The following MGMT variants were observed in gnomAD, a reference collection of about 807,000 sequenced individuals.
MGMT encodes the protein O-6-methylguanine-DNA methyltransferase.
MGMT carries 14 observed loss-of-function variants against 15.9 expected under a neutral mutation model. That is an observed-to-expected ratio of 0.88 (90% confidence interval 0.58 to 1.37). MGMT has a LOEUF of 1.37. Ranked by LOEUF, MGMT falls within the 40% of genes most tolerant of loss-of-function variation. MGMT has a pLI of 0.00. For synonymous variants in MGMT, 130 were observed against 118.2 expected (o/e 1.10, Z -0.65); for missense variants, 282 against 268.1 (o/e 1.05, Z -0.36).
At chr10:129,641,942 G>A (rs1172374028) in intron 2 of MGMT, among the ~76,000 whole-genome samples, 1 of 152,194 alleles carries the variant, frequency 6.6e-6, no homozygotes, top group Non-Finnish European at 1.5e-5. Context: ...TGTTCAAGGA[G>A]CAGCCTCTGG....
intron 1 of MGMT, among the ~76,000 whole-genome samples, chr10:129,505,888 T>A (rs766979654): frequency 3.9e-5 from 6 of 152,170 alleles, no homozygotes; most frequent in Non-Finnish European, 8.8e-5. Flanking sequence ...GGGGTTGTGC[T>A]TGTCCCTGGG....
intron 2 of MGMT, among the ~76,000 whole-genome samples, chr10:129,589,870 AC>A (rs1846661847): frequency 6.6e-6 from 1 of 152,240 alleles, no homozygotes; most frequent in African/African-American, 2.4e-5. Flanking sequence ...CAGCCCATCC[AC>A]CAGGAGGGTC....
chr10:129,574,172 T>C (rs917791267), intron 2 of MGMT, among the ~76,000 whole-genome samples: 31 of 152,238 alleles, frequency 2.0e-4, no homozygotes, highest in African/African-American at 3.1e-4. Flanking sequence ...TTTCAGCAAA[T>C]AGTTTGAGCC....
At chr10:129,600,522 G>A (rs187138653) in intron 2 of MGMT, among the ~76,000 whole-genome samples, 2 of 152,374 alleles carry the variant, frequency 1.3e-5, no homozygotes, top group African/African-American at 2.4e-5. Flanking sequence ...CATGCCGACT[G>A]TGGAGCCATT....
At chr10:129,730,304 CT>C (rs1356230458) in intron 3 of MGMT, among the ~76,000 whole-genome samples, 1 of 152,118 alleles carries the variant, frequency 6.6e-6, no homozygotes, top group Non-Finnish European at 1.5e-5. Flanking sequence ...GCCCTAATGA[CT>C]CTGGGCAAGA....
At chr10:129,683,063 G>A (rs902620691) in intron 2 of MGMT, among the ~76,000 whole-genome samples, 1 of 152,220 alleles carries the variant, frequency 6.6e-6, no homozygotes, top group African/African-American at 2.4e-5. Context: ...TGGCCAGGCT[G>A]GCCTCAAACT....
At chr10:129,736,816 A>T (rs1357415476) in intron 3 of MGMT, among the ~76,000 whole-genome samples, 5 of 149,756 alleles carry the variant, frequency 3.3e-5, no homozygotes, top group East Asian at 2.0e-4. Flanking sequence ...CCTTCACTTA[A>T]GAAGCTTAGT....
chr10:129,500,423 C>A (rs894221383), intron 1 of MGMT, among the ~76,000 whole-genome samples: 5 of 152,214 alleles, frequency 3.3e-5, no homozygotes, highest in Admixed American at 6.5e-5. Context: ...GCTTCTACTG[C>A]TCACTCGAAA....
intron 1 of MGMT, among the ~76,000 whole-genome samples, chr10:129,490,307 A>G (rs1385757820): frequency 6.6e-6 from 1 of 152,274 alleles, no homozygotes; most frequent in East Asian, 1.9e-4. Flanking sequence ...CCATCCCCAT[A>G]TCTGTTAGTG....
chr10:129,657,374 G>C (rs1847535850), intron 2 of MGMT, among the ~76,000 whole-genome samples: 1 of 139,868 alleles, frequency 7.1e-6, no homozygotes, highest in African/African-American at 2.6e-5. Flanking sequence ...CAAATACTTA[G>C]CAAGGACCTC....
chr10:129,673,949 T>C lies in MGMT; in HGVS notation c.126-33946T>C, dbSNP rs560536330. Among the ~76,000 whole-genome samples the C allele has an allele frequency of 2.0e-5, 3 of 152,282 alleles. No individual in the cohort carries two copies. In the East Asian group the frequency reaches 5.8e-4, roughly 29 times the overall value. ...GTATTGATTTGAAGCAGCAGTGTGG[T>C]TGCTTCTGTCTGGGTTTGAACAAGT... On this transcript the variant is annotated intron_variant, in intron 2 of 4. Coordinates refer to ENST00000651593, the MANE Select transcript of MGMT (RefSeq NM_002412.5).
intron 2 of MGMT, among the ~76,000 whole-genome samples, chr10:129,636,178 G>T (rs1358282819): frequency 1.3e-5 from 2 of 152,096 alleles, no homozygotes; most frequent in East Asian, 1.9e-4. Flanking sequence ...AATTTTTGTG[G>T]TGTAGAAACC....
intron 1 of MGMT, among the ~76,000 whole-genome samples, chr10:129,480,808 GA>G (rs1845349462): frequency 6.6e-6 from 1 of 152,204 alleles, no homozygotes; most frequent in Non-Finnish European, 1.5e-5. Flanking sequence ...TCATTTTTGA[GA>G]AAACATCCGC....
chr10:129,667,379 A>G (rs544770089), intron 2 of MGMT, among the ~76,000 whole-genome samples: 2 of 152,244 alleles, frequency 1.3e-5, no homozygotes, highest in African/African-American at 4.8e-5. Flanking sequence ...AAATTATGTT[A>G]TATATTTCTT....
At chr10:129,473,354 C>T (rs1845253702) in intron 1 of MGMT, among the ~76,000 whole-genome samples, 1 of 152,212 alleles carries the variant, frequency 6.6e-6, no homozygotes, top group Non-Finnish European at 1.5e-5. Context: ...GTTCAGCTCA[C>T]CCTGGTGGTT....
chr10:129,635,532 C>CT (rs1179886488), intron 2 of MGMT, among the ~76,000 whole-genome samples: 1 of 152,094 alleles, frequency 6.6e-6, no homozygotes, highest in Non-Finnish European at 1.5e-5. Context: ...CTTTTTGGTT[C>CT]TTTTTGGTGA....
intron 1 of MGMT, among the ~76,000 whole-genome samples, chr10:129,487,637 T>C (rs1845422474): frequency 6.6e-6 from 1 of 152,080 alleles, no homozygotes; most frequent in Non-Finnish European, 1.5e-5. Flanking sequence ...ATATCCTTTC[T>C]GCCTGTGTTT....
intron 2 of MGMT, among the ~76,000 whole-genome samples, chr10:129,603,647 A>T (rs1181062633): frequency 6.6e-6 from 1 of 152,270 alleles, no homozygotes; most frequent in Non-Finnish European, 1.5e-5. Context: ...ATAGCATTTT[A>T]AAATTGTAAT....
intron 2 of MGMT, among the ~76,000 whole-genome samples, chr10:129,644,580 C>T (rs7906945): frequency 3.3e-5 from 5 of 152,218 alleles, no homozygotes; most frequent in East Asian, 1.9e-4. Flanking sequence ...GGTGAGAGCC[C>T]GTGGAAGGGC....
Sources: allele counts gnomAD v4.1 joint callset (sites outside exome capture counted in the v4.1 genomes callset), GRCh38; gene constraint gnomAD v4.1.1; transcripts MANE v1.5; gene names NCBI Gene and HGNC (gene_info 2026-07-23, HGNC 2026-07-21).